Variants in SHISA6 observed in about 807,000 individuals in gnomAD.
SHISA6 encodes shisa family member 6.
A neutral mutation model predicts 47.9 loss-of-function variants in SHISA6; 22 were observed. That is an observed-to-expected ratio of 0.46 (90% CI 0.33 to 0.66). The LOEUF (loss-of-function observed/expected upper bound fraction) is 0.66, where lower values mean the gene tolerates loss of function less well. SHISA6 is among the 30% of genes least tolerant of loss of function. The pLI is 0.02. For missense variants in SHISA6, 680 were observed against 764.6 expected (o/e 0.89, Z 1.30); for synonymous variants, 388 against 337.8 (o/e 1.15, Z -1.63).
At chr17:11,323,093 C>G (rs188582278) in intron 2 of SHISA6, among the ~76,000 whole-genome samples, 2 of 152,176 alleles carry the variant, frequency 1.3e-5, no homozygotes, top group African/African-American at 4.8e-5. Context: ...TTTCACAAGT[C>G]CTTCAGCAAG....
At chr17:11,375,032 C>T (rs979871864) in intron 2 of SHISA6, among the ~76,000 whole-genome samples, 1 of 152,040 alleles carries the variant, frequency 6.6e-6, no homozygotes, top group African/African-American at 2.4e-5. Flanking sequence ...AACGTTGCTG[C>T]ACTTTCTGTA....
chr17:11,454,066 C>T (rs62062109), intron 3 of SHISA6, among the ~76,000 whole-genome samples: 8,646 of 152,212 alleles, frequency 0.057, 295 homozygotes, highest in Non-Finnish European at 0.077. Flanking sequence ...ATCAGTAATC[C>T]GTGTTGGCTT....
chr17:11,555,303 A>T (rs1168487311), intron 4 of SHISA6, among the ~76,000 whole-genome samples: 1 of 151,958 alleles, frequency 6.6e-6, no homozygotes, highest in Non-Finnish European at 1.5e-5. Flanking sequence ...AAATAACATA[A>T]GTCACTCCAT....
chr17:11,397,328 A>T (rs1913601603), intron 3 of SHISA6, among the ~76,000 whole-genome samples: 1 of 146,366 alleles, frequency 6.8e-6, no homozygotes, highest in African/African-American at 2.6e-5. Flanking sequence ...TCCAGTTTTT[A>T]GTTGCATTAT....
rs1684287183 is a variant in SHISA6, at chr17:11,324,261, A to G, written c.800-55153A>G. 2.0e-5 allele frequency among the ~76,000 whole-genome samples: 3 copies of G among 152,212 alleles called. No individual in the cohort carries two copies. The South Asian group carries it at 6.2e-4, about 32-fold the overall frequency. Reference sequence around the variant, plus strand: ...CCCATACACAAGGGAAGACTTTCCAATCCTTTTCCTGTCGATGACACTCTT... The same window carrying G: ...CCCATACACAAGGGAAGACTTTCCAGTCCTTTTCCTGTCGATGACACTCTT... On this transcript the variant is annotated intron_variant, in intron 2 of 5. Transcript: ENST00000441885.
intron 3 of SHISA6, among the ~76,000 whole-genome samples, chr17:11,518,724 A>G (rs1381563164): frequency 6.6e-6 from 1 of 152,236 alleles, no homozygotes; most frequent in Non-Finnish European, 1.5e-5. Flanking sequence ...CACTATAGGA[A>G]TGCTGGGGAA....
chr17:11,285,898 G>A (rs572381268), intron 2 of SHISA6, among the ~76,000 whole-genome samples: 4 of 150,946 alleles, frequency 2.6e-5, no homozygotes, highest in East Asian at 3.9e-4. Context: ...GTGCAATGGC[G>A]CGATCTTGGC....
chr17:11,552,515 T>C (rs1042893561), intron 4 of SHISA6, among the ~76,000 whole-genome samples: 3 of 152,206 alleles, frequency 2.0e-5, no homozygotes, highest in African/African-American at 7.2e-5. Context: ...AGATCACAGC[T>C]GAACAGAGAA....
rs190191835 is a variant in SHISA6 at position 11,365,503 on chromosome 17, C to T, written c.800-13911C>T. On this transcript the variant is annotated intron_variant, in intron 2 of 5. Transcript: ENST00000441885. ...ATGTTGGCCAGGCTGGTCTCAAGCTCCTGACCTCAAGTGACCCACCTGCCT... is the reference window on the plus strand; with the variant it reads ...ATGTTGGCCAGGCTGGTCTCAAGCTTCTGACCTCAAGTGACCCACCTGCCT... Among the ~76,000 whole-genome samples the T allele has an allele frequency of 1.0e-3, 156 of 152,306 alleles. 1 individual carries two copies. In the Middle Eastern group the frequency reaches 0.014, roughly 13 times the overall value.
At chr17:11,470,049 G>A (rs1007904969) in intron 3 of SHISA6, among the ~76,000 whole-genome samples, 9 of 152,126 alleles carry the variant, frequency 5.9e-5, no homozygotes, top group African/African-American at 2.2e-4. Context: ...GCCATGTGAG[G>A]ACACCGCAAG....
chr17:11,507,902 C>T (rs2071512964), intron 3 of SHISA6, among the ~76,000 whole-genome samples: 1 of 152,146 alleles, frequency 6.6e-6, no homozygotes, highest in Admixed American at 6.5e-5. Context: ...GTGAGACTGG[C>T]GAGCTTAAGA....
chr17:11,421,078 G>A (rs1370406400), intron 3 of SHISA6, among the ~76,000 whole-genome samples: 1 of 152,106 alleles, frequency 6.6e-6, no homozygotes, highest in Admixed American at 6.5e-5. Flanking sequence ...CATTTTATGT[G>A]CCTTCATTTC....
At chr17:11,501,087 A>G (rs1258283345) in intron 3 of SHISA6, among the ~76,000 whole-genome samples, 4 of 151,924 alleles carry the variant, frequency 2.6e-5, no homozygotes, top group African/African-American at 9.7e-5. Flanking sequence ...CCAGGTGCTT[A>G]ATTATTAATC....
At chr17:11,287,909 T>C (rs1020629555) in intron 2 of SHISA6, among the ~76,000 whole-genome samples, 7 of 152,124 alleles carry the variant, frequency 4.6e-5, no homozygotes, top group African/African-American at 1.7e-4. Context: ...TATGGAAAAT[T>C]TCAAACATAT....
At chr17:11,297,356 A>G (rs920879643) in intron 2 of SHISA6, among the ~76,000 whole-genome samples, 3 of 152,146 alleles carry the variant, frequency 2.0e-5, no homozygotes, top group African/African-American at 7.2e-5. Context: ...TCTGCAATGA[A>G]TAGCCCAAGA....
chr17:11,288,861 C>A (rs79567690), intron 2 of SHISA6: 1 of 152,054 alleles, frequency 6.6e-6, no homozygotes, highest in Non-Finnish European at 1.5e-5. Flanking sequence ...CTGGCTGACC[C>A]GAAATGAGGC....
At chr17:11,343,637 C>T (rs1911606987) in intron 2 of SHISA6, among the ~76,000 whole-genome samples, 1 of 152,174 alleles carries the variant, frequency 6.6e-6, no homozygotes, top group Non-Finnish European at 1.5e-5. Flanking sequence ...ATCCATCACT[C>T]CAGATTAGCC....
In SHISA6 at chr17:11,263,351, C is replaced by T. The variant is rs1247866004; in HGVS notation, c.639-15C>T. ...TGCTCAGTGAATCTCATTATGTGAT[C>T]TCCTCCTTGTTTAGGGCTCTGGCTG... is the stretch of plus-strand genomic sequence containing the variant. On this transcript the variant is annotated splice_polypyrimidine_tract_variant and intron_variant, in intron 1 of 5. Transcript: ENST00000441885. 6.4e-7 allele frequency: 1 copy of T among 1,551,578 alleles called. No individual in the cohort carries two copies. The highest frequency in any genetic ancestry group is 8.7e-7 in the Non-Finnish European group (1 of 1,146,824).
chr17:11,454,820 T>C (rs902731091), intron 3 of SHISA6, among the ~76,000 whole-genome samples: 2 of 152,206 alleles, frequency 1.3e-5, no homozygotes, highest in African/African-American at 4.8e-5. Context: ...AGAGAACTCA[T>C]CCTGGTTGTC....
Sources: gnomAD v4.1 joint callset for allele counts (sites outside exome capture counted in the v4.1 genomes callset) on GRCh38, gnomAD v4.1.1 for gene constraint, MANE v1.5 for transcripts, NCBI Gene and HGNC (gene_info 2026-07-23, HGNC 2026-07-21) for gene names.